CDH13: variants seen among roughly 807,000 people sequenced by gnomAD.
CDH13 encodes the protein cadherin 13, also known as cadherin-13.
In CDH13, 24 loss-of-function variants were observed where a neutral mutation model predicts 63.8. The ratio of observed to expected loss-of-function variants is 0.38; its 90% CI spans 0.27 to 0.53. The LOEUF is 0.53. Ranked by LOEUF, CDH13 falls within the 20% of genes least tolerant of loss-of-function variation. The pLI, the probability that CDH13 is intolerant of heterozygous loss-of-function variation, is 0.85. For synonymous variants in CDH13, 503 were observed against 355.3 expected (o/e 1.42, Z -4.67); for missense variants, 1,049 against 903.1 (o/e 1.16, Z -2.07).
At chr16:83,111,404 C>G (rs137878327) in intron 3 of CDH13, among the ~76,000 whole-genome samples, 27 of 152,172 alleles carry the variant, frequency 1.8e-4, no homozygotes, top group African/African-American at 6.3e-4. Context: ...GACATTTAGA[C>G]TAAAGCATAA....
chr16:83,046,158 A>G (rs368466397), intron 3 of CDH13, among the ~76,000 whole-genome samples: 26 of 152,150 alleles, frequency 1.7e-4, no homozygotes, highest in African/African-American at 4.8e-4. Flanking sequence ...ATAAATAGAA[A>G]CCTCTTTTCC....
intron 3 of CDH13, among the ~76,000 whole-genome samples, chr16:83,068,352 G>C (rs951190413): frequency 6.6e-6 from 1 of 152,134 alleles, no homozygotes; most frequent in African/African-American, 2.4e-5. Context: ...AAAACTGACT[G>C]ACTCATTGCT....
intron 1 of CDH13, among the ~76,000 whole-genome samples, chr16:82,800,237 C>G (rs962530211): frequency 1.3e-5 from 2 of 151,950 alleles, no homozygotes; most frequent in African/African-American, 4.8e-5. Context: ...AAAAATAATT[C>G]AAAAATGAAT....
At chr16:83,010,214 A>T (rs1424948780) in intron 2 of CDH13, among the ~76,000 whole-genome samples, 3 of 151,598 alleles carry the variant, frequency 2.0e-5, no homozygotes, top group African/African-American at 7.3e-5. Context: ...CAAGCTCCTA[A>T]GGCTGCTCAT....
At chr16:83,107,503 A>G (rs993517561) in intron 3 of CDH13, among the ~76,000 whole-genome samples, 7 of 152,254 alleles carry the variant, frequency 4.6e-5, no homozygotes, top group Non-Finnish European at 1.0e-4. Flanking sequence ...CCAGTACAGG[A>G]CAAGTTCTGT....
intron 3 of CDH13, among the ~76,000 whole-genome samples, chr16:83,094,564 T>C (rs1473600896): frequency 6.6e-6 from 1 of 152,134 alleles, no homozygotes; most frequent in East Asian, 1.9e-4. Context: ...GAGTATAATC[T>C]TGGGAGAGGT....
intron 11 of CDH13, among the ~76,000 whole-genome samples, chr16:83,750,667 G>A (rs1330514535): frequency 6.6e-6 from 1 of 152,204 alleles, no homozygotes; most frequent in Non-Finnish European, 1.5e-5. Flanking sequence ...AATGAAGGCA[G>A]AGATCAGGGT....
Position 82,804,276 on chromosome 16 carries a change from T to TACACACACACACAC in CDH13, c.46-54063_46-54050dup, listed in dbSNP as rs140828245. On this transcript the variant is annotated intron_variant, in intron 1 of 13. Transcript: ENST00000567109. ...TAGATCTCAGGTTAGGGGATCTTGC[T>TACACACACACACAC]ACACACACACACACACACACACACA... 4.0e-3 allele frequency among the ~76,000 whole-genome samples: 540 copies of TACACACACACACAC among 135,088 alleles called. 6 individuals are homozygous for TACACACACACACAC. The highest frequency in any genetic ancestry group is 0.015 in the African/African-American group (506 of 33,478). The allele number at this position is 135,088 out of a possible 152,430, so 88.6% of individuals were successfully genotyped here. A position where few individuals can be genotyped will look rare whatever the true frequency, so the allele number is the denominator to read the frequency against.
intron 6 of CDH13, among the ~76,000 whole-genome samples, chr16:83,481,294 T>C (rs1334096999): frequency 6.6e-6 from 1 of 152,228 alleles, no homozygotes; most frequent in Non-Finnish European, 1.5e-5. Context: ...AAAATGAGCC[T>C]GACACTTTTT....
At chr16:83,361,744 C>A (rs976364919) in intron 6 of CDH13, among the ~76,000 whole-genome samples, 1 of 152,000 alleles carries the variant, frequency 6.6e-6, no homozygotes, top group African/African-American at 2.4e-5. Context: ...TATAGGTGTG[C>A]AGCTTTACTT....
At chr16:83,125,983 T>C (rs2151645445) in intron 4 of CDH13, among the ~76,000 whole-genome samples, 1 of 152,248 alleles carries the variant, frequency 6.6e-6, no homozygotes, top group East Asian at 1.9e-4. Context: ...GAAAACACTG[T>C]CCCATGAATC....
chr16:83,161,575 T>A (rs990421056), intron 4 of CDH13, among the ~76,000 whole-genome samples: 3 of 152,192 alleles, frequency 2.0e-5, no homozygotes, highest in African/African-American at 7.2e-5. Flanking sequence ...GTCTTTTTTT[T>A]ATGGTCTGCC....
intron 6 of CDH13, among the ~76,000 whole-genome samples, chr16:83,432,772 C>G (rs1289984298): frequency 2.0e-5 from 3 of 152,160 alleles, no homozygotes; most frequent in African/African-American, 4.8e-5. Context: ...GCATCTTGCA[C>G]ACAGCCTCAG....
At position 83,602,909 on chromosome 16, in the gene CDH13, C is replaced by A. The variant is rs1301184697; in HGVS notation, c.1101+315C>A. On this transcript the variant is annotated intron_variant, in intron 8 of 13. Transcript: ENST00000567109. ...TTATTTAGCAGTGAGTTATGAGAGT[C>A]CCACTGTGATTTTAGCATAACAATA... Among the ~76,000 whole-genome samples the A allele has an allele frequency of 2.6e-5, 4 of 152,142 alleles. No individual in the cohort carries two copies. In the East Asian group the frequency reaches 7.7e-4, roughly 29 times the overall value.
At position 83,020,168 on chromosome 16, in the gene CDH13, G is replaced by A. The variant is rs137989780; in HGVS notation, c.158-11842G>A. 3.8e-4 allele frequency among the ~76,000 whole-genome samples: 58 copies of A among 152,240 alleles called. 1 individual carries two copies. In the East Asian group the frequency reaches 8.9e-3, roughly 23 times the overall value. ...ATGACCGAATTTGGACAAATATGAC[G>A]TCATGCAAATATGAATATTTGCATT... is the stretch of plus-strand genomic sequence containing the variant. On this transcript the variant is annotated intron_variant, in intron 2 of 13. Coordinates refer to ENST00000567109, the MANE Select transcript of CDH13 (RefSeq NM_001257.5).
chr16:82,767,645 A>G (rs1004040889), intron 1 of CDH13, among the ~76,000 whole-genome samples: 7 of 151,930 alleles, frequency 4.6e-5, no homozygotes, highest in African/African-American at 1.7e-4. Flanking sequence ...CACTCCCTGG[A>G]CTCTGGCTGT....
intron 1 of CDH13, chr16:82,844,679 A>C (rs2039180530): frequency 1.5e-5 from 2 of 129,906 alleles, no homozygotes. Context: ...TCGCTCTGTC[A>C]CCCAGGCTGG....
chr16:83,178,199 G>T (rs2038205179), intron 4 of CDH13, among the ~76,000 whole-genome samples: 1 of 152,182 alleles, frequency 6.6e-6, no homozygotes, highest in African/African-American at 2.4e-5. Context: ...ATTTGGGGCA[G>T]ATAATTATGT....
intron 6 of CDH13, among the ~76,000 whole-genome samples, chr16:83,374,739 TGA>T: frequency 1.3e-5 from 2 of 152,314 alleles, no homozygotes; most frequent in African/African-American, 4.8e-5. Flanking sequence ...TCCACACACC[TGA>T]GAGTGTGAAA....
Sources: gnomAD v4.1 joint callset for allele counts (sites outside exome capture counted in the v4.1 genomes callset) on GRCh38, gnomAD v4.1.1 for gene constraint, MANE v1.5 for transcripts, NCBI Gene and HGNC (gene_info 2026-07-23, HGNC 2026-07-21) for gene names.